The following NRIP1 variants were observed in gnomAD, a reference collection of about 807,000 sequenced individuals.
NRIP1 encodes the protein nuclear receptor-interacting protein 1.
NRIP1 carries 28 observed loss-of-function variants against 75.0 expected under a neutral mutation model. The observed-to-expected ratio is 0.37, with a 90% CI of 0.28 to 0.51. The LOEUF is 0.51. Ranked by LOEUF, NRIP1 falls within the 20% of genes least tolerant of loss-of-function variation. The probability of loss-of-function intolerance (pLI) is 0.92; values close to 1 mark genes in which losing one functional copy is unlikely to be tolerated. For synonymous variants in NRIP1, 526 were observed against 487.6 expected (o/e 1.08, Z -1.04); for missense variants, 1,435 against 1,343.7 (o/e 1.07, Z -1.06).
Position 14,968,258 on chromosome 21 carries a change from G to A in NRIP1, c.-66C>T. ...TTTAAAGAATGGTTTTCTGTGGTGA[G>A]TGCGATGTAACTTTAATAAAGGAGT... On this transcript the variant is annotated 5_prime_UTR_variant, in exon 4 of 4. Coordinates refer to ENST00000318948, the MANE Select transcript of NRIP1 (RefSeq NM_003489.4). 1 of 1,093,274 alleles carries A rather than the reference G, an allele frequency of 9.1e-7. No homozygotes were observed. The highest frequency in any genetic ancestry group is 1.3e-6 in the Non-Finnish European group (1 of 751,234). The allele number at this position is 1,093,274 out of a possible 1,614,324, so 67.7% of individuals were successfully genotyped here.
intron 3 of NRIP1, among the ~76,000 whole-genome samples, chr21:14,990,980 G>A (rs1017310044): frequency 6.6e-6 from 1 of 152,006 alleles, no homozygotes; most frequent in Non-Finnish European, 1.5e-5. Context: ...CGTGCTTCTC[G>A]TTTCATTTGC....
At position 14,962,041 on chromosome 21, in the gene NRIP1, AT is replaced by A. The variant is rs1172341188; in HGVS notation, c.*2674del. ...TATATATATATATATATATATATAT[AT>A]AAAATATATACTCTCACCAGTTTAC... On this transcript the variant is annotated 3_prime_UTR_variant, in exon 4 of 4. Transcript: ENST00000318948. 1.8e-4 allele frequency: 25 copies of A among 135,368 alleles called. No homozygotes were observed. The highest frequency in any genetic ancestry group is 7.0e-4 in the African/African-American group (25 of 35,908). 8.4% of individuals were successfully genotyped at this position (135,368 alleles called of 1,614,324 possible).
intron 3 of NRIP1, among the ~76,000 whole-genome samples, chr21:15,004,984 G>A (rs1244259395): frequency 6.6e-6 from 1 of 152,164 alleles, no homozygotes; most frequent in Non-Finnish European, 1.5e-5. Flanking sequence ...AATGTTTCTA[G>A]GAGATAGATG....
intron 3 of NRIP1, among the ~76,000 whole-genome samples, chr21:14,974,580 G>T (rs9789848): frequency 0.046 from 6,927 of 152,102 alleles, 482 homozygotes; most frequent in African/African-American, 0.15. Context: ...CTTACGAACA[G>T]TGTCAAATAA....
intron 3 of NRIP1, among the ~76,000 whole-genome samples, chr21:14,989,341 C>A (rs377407610): frequency 9.1e-4 from 138 of 152,256 alleles, no homozygotes; most frequent in African/African-American, 3.3e-3. Flanking sequence ...AGGGGCGGAA[C>A]CAACAACAGA....
At position 14,983,225 on chromosome 21, in the gene NRIP1, C is replaced by A. The variant is rs1003126719; in HGVS notation, c.-334-14699G>T. ...AAATTGCAAATACAAAAAAAAAAAA[C>A]AATTATTGTAGGAAATTAAAAATGT... On this transcript the variant is annotated intron_variant, in intron 3 of 3. Transcript: ENST00000318948. Among the ~76,000 whole-genome samples, 244 of 149,620 alleles carry A rather than the reference C, an allele frequency of 1.6e-3. 1 individual carries two copies. Among genetic ancestry groups the A allele is most frequent in the African/African-American group, 5.8e-3 (235 of 40,694 alleles).
chr21:14,997,965 G>T (rs2087769483), intron 3 of NRIP1, among the ~76,000 whole-genome samples: 1 of 152,076 alleles, frequency 6.6e-6, no homozygotes, highest in Admixed American at 6.6e-5. Context: ...GAAGGAAAGG[G>T]TTAGAAACAC....
intron 3 of NRIP1, chr21:14,974,198 T>C (rs1263573021): frequency 6.6e-6 from 1 of 152,124 alleles, no homozygotes; most frequent in Non-Finnish European, 1.5e-5. Flanking sequence ...TCATTCCCTG[T>C]TTTCCTGGTT....
intron 1 of NRIP1, among the ~76,000 whole-genome samples, chr21:15,044,779 C>T (rs904036880): frequency 6.6e-6 from 1 of 152,100 alleles, no homozygotes; most frequent in Non-Finnish European, 1.5e-5. Context: ...AGTAATACTT[C>T]CCCAAAATCC....
intron 1 of NRIP1, among the ~76,000 whole-genome samples, chr21:15,044,531 T>C (rs993362548): frequency 6.6e-5 from 10 of 151,986 alleles, no homozygotes; most frequent in African/African-American, 1.2e-4. Context: ...GATACCACCA[T>C]AGCAGCATTC....
intron 1 of NRIP1, among the ~76,000 whole-genome samples, chr21:15,056,921 T>A (rs1263345888): frequency 6.6e-6 from 1 of 152,110 alleles, no homozygotes; most frequent in Non-Finnish European, 1.5e-5. Context: ...TTCTTATGGC[T>A]TTAACAATAA....
intron 2 of NRIP1, among the ~76,000 whole-genome samples, chr21:15,039,647 CTATTT>C (rs2088910896): frequency 6.6e-6 from 1 of 152,048 alleles, no homozygotes; most frequent in Admixed American, 6.6e-5. Flanking sequence ...GTAAACTTCC[CTATTT>C]TATTAAATAT....
intron 1 of NRIP1, among the ~76,000 whole-genome samples, chr21:15,062,811 G>A (rs1290364279): frequency 6.6e-6 from 1 of 152,172 alleles, no homozygotes; most frequent in Non-Finnish European, 1.5e-5. Flanking sequence ...AACTGCAAGA[G>A]TCAGAAAAGC....
chr21:14,974,322 G>A (rs982097807), intron 3 of NRIP1: 2 of 152,144 alleles, frequency 1.3e-5, no homozygotes, highest in Non-Finnish European at 2.9e-5. Context: ...TTTCAGGTAT[G>A]TGTTTAAAAG....
intron 2 of NRIP1, among the ~76,000 whole-genome samples, chr21:15,040,764 T>C (rs1198582298): frequency 6.6e-6 from 1 of 152,046 alleles, no homozygotes; most frequent in Non-Finnish European, 1.5e-5. Flanking sequence ...CATATTATAA[T>C]GGAATCAGAA....
At chr21:15,050,906 C>T (rs1441043631) in intron 1 of NRIP1, 1 of 456,068 alleles carries the variant, frequency 2.2e-6, no homozygotes, top group East Asian at 6.9e-5. Context: ...CTAGGGATCA[C>T]TCTTACAGTT....
At position 14,965,307 on chromosome 21, in the gene NRIP1, C is replaced by G. The variant is rs983277615; in HGVS notation, c.2886G>C (p.Lys962Asn). The G allele has an allele frequency of 1.2e-6, 2 of 1,613,808 alleles. No individual in the cohort carries two copies. Among genetic ancestry groups the G allele is most frequent in the East Asian group, 2.2e-5 (1 of 44,898 alleles). Residue 962 changes from lysine (K) to asparagine (N), a missense_variant, in exon 4 of 4, where the codon AAG becomes AAC. Coordinates refer to ENST00000318948, the MANE Select transcript of NRIP1 (RefSeq NM_003489.4). ...HRSNSVADSKKKGHKNNVTNS... is the reference protein window; with the variant it reads ...HRSNSVADSKNKGHKNNVTNS... ...TGGTCACATTATTTTTGTGTCCTTTCTTTTTACTGTCAGCCACAGAGTTAC... is the reference window on the plus strand; with the variant it reads ...TGGTCACATTATTTTTGTGTCCTTTGTTTTTACTGTCAGCCACAGAGTTAC...
At chr21:14,985,456 A>T (rs1342918405) in intron 3 of NRIP1, among the ~76,000 whole-genome samples, 1 of 152,072 alleles carries the variant, frequency 6.6e-6, no homozygotes, top group African/African-American at 2.4e-5. Context: ...ATGGTAGAAA[A>T]CCCACAAGAT....
intron 2 of NRIP1, among the ~76,000 whole-genome samples, chr21:15,021,023 AATGT>A (rs1284554018): frequency 3.9e-5 from 6 of 152,316 alleles, no homozygotes; most frequent in African/African-American, 1.4e-4. Context: ...AACATACATG[AATGT>A]ATAACCTTGC....
Sources: gnomAD v4.1 joint callset for allele counts (sites outside exome capture counted in the v4.1 genomes callset) on GRCh38, gnomAD v4.1.1 for gene constraint, MANE v1.5 for transcripts, NCBI Gene and HGNC (gene_info 2026-07-23, HGNC 2026-07-21) for gene names.